Variants in CACNA1S observed in about 807,000 individuals in gnomAD.
CACNA1S encodes the protein calcium voltage-gated channel subunit alpha1 S, also known as voltage-dependent L-type calcium channel subunit alpha-1S.
A neutral mutation model predicts 207.4 loss-of-function variants in CACNA1S; 126 were observed. That is an observed-to-expected ratio of 0.61 (90% CI 0.53 to 0.70). CACNA1S has a LOEUF of 0.70. Ranked by LOEUF, CACNA1S falls within the 30% of genes least tolerant of loss-of-function variation. The pLI, the probability that CACNA1S is intolerant of heterozygous loss-of-function variation, is 0.00. For synonymous variants in CACNA1S, 960 were observed against 932.7 expected (o/e 1.03, Z -0.53); for missense variants, 2,349 against 2,422.8 (o/e 0.97, Z 0.64).
chr1:201,070,434 G>A (rs1176047308), intron 16 of CACNA1S, 30 bp from the exon 17 acceptor site: 10 of 1,612,670 alleles, frequency 6.2e-6, no homozygotes, highest in Non-Finnish European at 7.6e-6. Context: ...AATTAGGGGT[G>A]TCTTCCCATG....
intron 10 of CACNA1S, among the ~76,000 whole-genome samples, chr1:201,079,279 C>T (rs1661757018): frequency 6.6e-6 from 1 of 152,022 alleles, no homozygotes; most frequent in African/African-American, 2.4e-5. Flanking sequence ...TCACCTCATC[C>T]CTACCTGGAT....
At chr1:201,099,704 C>A (rs1156751519) in intron 2 of CACNA1S, among the ~76,000 whole-genome samples, 1 of 152,174 alleles carries the variant, frequency 6.6e-6, no homozygotes, top group African/African-American at 2.4e-5. Context: ...ACAGGAAGCT[C>A]TCCACACAGG....
At chr1:201,052,916 A>G (rs1420581746) in intron 31 of CACNA1S, among the ~76,000 whole-genome samples, 1 of 151,970 alleles carries the variant, frequency 6.6e-6, no homozygotes, top group Admixed American at 6.6e-5. Context: ...GTGTGGGGGA[A>G]GTGCTCTCAG....
At position 201,110,345 on chromosome 1, in the gene CACNA1S, T is replaced by A; in HGVS notation, c.153-76A>T. On this transcript the variant is annotated intron_variant, in intron 1 of 43. Transcript: ENST00000362061. ...GTTAAGGGGATGAGGGCGCTGAGGG[T>A]CAGTCTGGACTGTGACTCTGATGCC... 6 of 1,267,270 alleles carry A rather than the reference T, an allele frequency of 4.7e-6. No homozygotes were observed. In the South Asian group the frequency reaches 7.2e-5, roughly 15 times the overall value. The allele number at this position is 1,267,270 out of a possible 1,614,324, so 78.5% of individuals were successfully genotyped here. A position where few individuals can be genotyped will look rare whatever the true frequency, so the allele number is the denominator to read the frequency against.
rs1662133904 is a variant in CACNA1S at position 201,089,160 on chromosome 1, A to G, written c.900+98T>C. 3 of 1,116,952 alleles carry G rather than the reference A, an allele frequency of 2.7e-6. No individual in the cohort carries two copies. The African/African-American group carries it at 4.6e-5, about 17-fold the overall frequency. The allele number at this position is 1,116,952 out of a possible 1,614,324, so 69.2% of individuals were successfully genotyped here. A position where few individuals can be genotyped will look rare whatever the true frequency, so the allele number is the denominator to read the frequency against. ...GGAGCTGTGGTCACGCAAGTCAGAG[A>G]CTGGCCTCCTGTGTGGACTGGCAAG... On this transcript the variant is annotated intron_variant, in intron 6 of 43. Coordinates refer to ENST00000362061, the MANE Select transcript of CACNA1S (RefSeq NM_000069.3).
intron 32 of CACNA1S, 71 bp from the exon 33 acceptor site, chr1:201,051,214 GGCA>G: frequency 1.3e-6 from 2 of 1,550,694 alleles, no homozygotes; most frequent in South Asian, 2.2e-5. Context: ...GCAGTCAGGT[GGCA>G]GCAGGGTGTG....
intron 22 of CACNA1S, among the ~76,000 whole-genome samples, chr1:201,064,495 G>C (rs2102579955): frequency 6.6e-6 from 1 of 152,362 alleles, no homozygotes. Flanking sequence ...AGCTCTAGCA[G>C]AGGCCCTGGC....
In CACNA1S at chr1:201,089,476, G is replaced by A. The variant is rs1434711051; in HGVS notation, c.695-13C>T. On this transcript the variant is annotated splice_polypyrimidine_tract_variant and intron_variant, in intron 5 of 43. Coordinates refer to ENST00000362061, the MANE Select transcript of CACNA1S (RefSeq NM_000069.3). ...GTGGCCACGATATCTGGAGGCAGAAGGCAAAGGGAACATCAGACAACAGTA... is the reference window on the plus strand; with the variant it reads ...GTGGCCACGATATCTGGAGGCAGAAAGCAAAGGGAACATCAGACAACAGTA... 1.2e-6 allele frequency: 2 copies of A among 1,612,956 alleles called. No individual in the cohort carries two copies. Among genetic ancestry groups the A allele is most frequent in the South Asian group, 2.2e-5 (2 of 91,010 alleles).
intron 5 of CACNA1S, among the ~76,000 whole-genome samples, chr1:201,090,717 G>C (rs1662193536): frequency 6.6e-6 from 1 of 152,148 alleles, no homozygotes; most frequent in South Asian, 2.1e-4. Flanking sequence ...TTGCCCATCT[G>C]TCTCTCATTC....
intron 36 of CACNA1S, 67 bp from the exon 37 acceptor site, chr1:201,047,693 C>T: frequency 1.0e-6 from 1 of 989,684 alleles, no homozygotes; most frequent in Non-Finnish European, 1.6e-6. Flanking sequence ...CCACCCAGTT[C>T]TTTCTGAACC....
At chr1:201,086,338 T>C (rs976091926) in intron 7 of CACNA1S, among the ~76,000 whole-genome samples, 5 of 152,188 alleles carry the variant, frequency 3.3e-5, no homozygotes, top group Admixed American at 2.6e-4. Context: ...AATAAAACCA[T>C]AGCATGACAA....
At chr1:201,062,415 T>C (rs1039124844) in intron 23 of CACNA1S, 47 bp downstream of exon 23, 1 of 1,575,338 alleles carries the variant, frequency 6.3e-7, no homozygotes, top group Non-Finnish European at 8.7e-7. Context: ...TGTCCCACCA[T>C]GCTCCCTGCC....
Position 201,040,064 on chromosome 1 carries a change from G to T in CACNA1S, c.5389C>A (p.Leu1797Met). 1 of 1,614,234 alleles carries T rather than the reference G, an allele frequency of 6.2e-7. No individual in the cohort carries two copies. Among genetic ancestry groups the T allele is most frequent in the Non-Finnish European group, 8.5e-7 (1 of 1,180,026 alleles). The change falls in exon 44 of 44, where the codon CTG becomes ATG. Residue 1797 changes from leucine (L) to methionine (M), a missense_variant. By Grantham distance (15) the Leu-to-Met change is conservative. Coordinates refer to ENST00000362061, the MANE Select transcript of CACNA1S (RefSeq NM_000069.3). ...TTTGCATCAGCTGCCAAGGTGCCCAGGCCCCCTCGAACCAGAGCCTGCAGG... is the reference window on the plus strand; with the variant it reads ...TTTGCATCAGCTGCCAAGGTGCCCATGCCCCCTCGAACCAGAGCCTGCAGG... ...LIQKALVRGG[L>M]GTLAADANFI...
At chr1:201,109,939 C>T (rs151330743) in intron 2 of CACNA1S, among the ~76,000 whole-genome samples, 69 of 152,236 alleles carry the variant, frequency 4.5e-4, no homozygotes, top group Non-Finnish European at 7.5e-4. Context: ...CCAATGAGTG[C>T]GTGCTTAGTG....
intron 12 of CACNA1S, among the ~76,000 whole-genome samples, 192 bp from the exon 13 acceptor site, chr1:201,075,807 G>A (rs980766205): frequency 6.6e-6 from 1 of 152,112 alleles, no homozygotes; most frequent in Admixed American, 6.5e-5. Context: ...AGTGGCTCAC[G>A]CCTGTTACTT....
chr1:201,040,268 C>T lies in CACNA1S; in HGVS notation c.5333G>A (p.Arg1778Lys), dbSNP rs1312930854. Residue 1778 changes from arginine to lysine, a missense_variant, in exon 43 of 44, where the codon AGG becomes AAG. Arg to Lys is a conservative substitution (Grantham distance 26). Coordinates refer to ENST00000362061, the MANE Select transcript of CACNA1S (RefSeq NM_000069.3). ...CAGGGCTGTAGCTGGTGCTGAGCAC[C>T]TGGAAGTATTCTCCCTGGTGCTCCT... ...HSRSTRENTS[R>K]CSAPATALLI... 1 of 1,613,880 alleles carries T rather than the reference C, an allele frequency of 6.2e-7. No homozygotes were observed. The highest frequency in any genetic ancestry group is 8.5e-7 in the Non-Finnish European group (1 of 1,179,992).
intron 41 of CACNA1S, 73 bp from the exon 42 acceptor site, chr1:201,040,786 G>A (rs1000441989): frequency 2.9e-5 from 34 of 1,162,506 alleles, no homozygotes; most frequent in Admixed American, 3.7e-5. Context: ...ACAGAGGCTC[G>A]CTTGGCTGGC....
intron 10 of CACNA1S, among the ~76,000 whole-genome samples, chr1:201,078,785 T>C (rs1289858655): frequency 6.6e-6 from 1 of 151,950 alleles, no homozygotes; most frequent in African/African-American, 2.4e-5. Flanking sequence ...TCCTATATAT[T>C]TAACTTCTTT....
chr1:201,108,224 G>C (rs1224899180), intron 2 of CACNA1S, among the ~76,000 whole-genome samples: 1 of 151,270 alleles, frequency 6.6e-6, no homozygotes, highest in Non-Finnish European at 1.5e-5. Context: ...TCCCACTTCA[G>C]CCTCCCGAGT....
Sources: allele counts gnomAD v4.1 joint callset (sites outside exome capture counted in the v4.1 genomes callset), GRCh38; gene constraint gnomAD v4.1.1; transcripts MANE v1.5; gene names NCBI Gene and HGNC (gene_info 2026-07-23, HGNC 2026-07-21).